ACKR2: variants seen among roughly 807,000 people sequenced by gnomAD.
ACKR2 encodes C-C chemokine receptor D6.
For missense variants in ACKR2, 457 were observed against 477.3 expected, an observed-to-expected ratio of 0.96 and a Z score of 0.40; for synonymous variants, 207 against 192.2, an observed-to-expected ratio of 1.08 and a Z score of -0.64.
intron 1 of ACKR2, among the ~76,000 whole-genome samples, chr3:42,818,476 C>G (rs1324018888): frequency 2.0e-5 from 3 of 152,150 alleles, no homozygotes; most frequent in Non-Finnish European, 2.9e-5. Context: ...AGCAAACTGG[C>G]CCAGAATTGG....
chr3:42,843,327 C>T (rs1701060204), intron 2 of ACKR2, among the ~76,000 whole-genome samples: 1 of 152,120 alleles, frequency 6.6e-6, no homozygotes, highest in South Asian at 2.1e-4. Context: ...CCCCCAGCCT[C>T]CCAAAGTGCT....
chr3:42,835,271 C>T (rs1700976417), intron 2 of ACKR2: 1 of 151,756 alleles, frequency 6.6e-6, no homozygotes, highest in African/African-American at 2.4e-5. Flanking sequence ...TCTCCCATAG[C>T]ATCTTCTAGG....
At chr3:42,843,789 C>T (rs1701064729) in intron 2 of ACKR2, 1 of 152,246 alleles carries the variant, frequency 6.6e-6, no homozygotes, top group Non-Finnish European at 1.5e-5. Flanking sequence ...GGGATCAGGC[C>T]AAACAGGCCA....
chr3:42,828,074 T>TTTTATATATATA (rs548232060), intron 2 of ACKR2, among the ~76,000 whole-genome samples: 1 of 122,518 alleles, frequency 8.2e-6, no homozygotes, highest in African/African-American at 3.0e-5. Flanking sequence ...GATGCTTGCA[T>TTTTATATATATA]TATATATATA....
At chr3:42,819,476 T>C (rs1450512366) in intron 1 of ACKR2, among the ~76,000 whole-genome samples, 155 bp from the exon 2 acceptor site, 3 of 146,584 alleles carry the variant, frequency 2.0e-5, no homozygotes, top group Non-Finnish European at 4.4e-5. Flanking sequence ...GCTCCCTCAC[T>C]GTTTCCTGGC....
chr3:42,820,336 A>T (rs2125603966), intron 2 of ACKR2, among the ~76,000 whole-genome samples: 2 of 152,240 alleles, frequency 1.3e-5, no homozygotes, highest in South Asian at 4.1e-4. Context: ...ACCAGAAAAG[A>T]AATATAATCT....
chr3:42,825,594 T>C (rs1404775747), intron 2 of ACKR2, among the ~76,000 whole-genome samples: 1 of 151,438 alleles, frequency 6.6e-6, no homozygotes. Context: ...TGTGTGTGTG[T>C]GTGTGTGCGT....
chr3:42,855,163 CA>C (rs1264224034), intron 2 of ACKR2, among the ~76,000 whole-genome samples: 2 of 152,134 alleles, frequency 1.3e-5, no homozygotes, highest in Non-Finnish European at 2.9e-5. Flanking sequence ...AGCCTTCAAT[CA>C]CACCTTTCTC....
chr3:42,822,625 G>A (rs1186783804), intron 2 of ACKR2, among the ~76,000 whole-genome samples: 1 of 152,072 alleles, frequency 6.6e-6, no homozygotes, highest in Non-Finnish European at 1.5e-5. Flanking sequence ...GGCCAAGGCA[G>A]GTGGACTACT....
intron 1 of ACKR2, among the ~76,000 whole-genome samples, chr3:42,818,163 G>C (rs1700772712): frequency 6.6e-6 from 1 of 152,114 alleles, no homozygotes; most frequent in African/African-American, 2.4e-5. Context: ...GACTCCATGT[G>C]TCCATAAATG....
intron 2 of ACKR2, among the ~76,000 whole-genome samples, chr3:42,837,275 G>A (rs1271069207): frequency 2.0e-5 from 3 of 151,916 alleles, no homozygotes; most frequent in Non-Finnish European, 4.4e-5. Flanking sequence ...GGAGTGTAGT[G>A]GTGCAATCTC....
At position 42,812,680 on chromosome 3, in the gene ACKR2, C is replaced by CTTTTTTTTT; in HGVS notation, c.-119+3164_-119+3172dup. Among the ~76,000 whole-genome samples, 181 of 72,748 alleles carry CTTTTTTTTT rather than the reference C, an allele frequency of 2.5e-3. 13 individuals are homozygous for CTTTTTTTTT. Among genetic ancestry groups the CTTTTTTTTT allele is most frequent in the Non-Finnish European group, 2.5e-3 (105 of 42,524 alleles). 47.7% of individuals were successfully genotyped at this position (72,748 alleles called of 152,430 possible). ...TAAAAGTGGTTGGGCAATTTTCAGC[C>CTTTTTTTTT]TTTTTTTTTTTTTTTTTTTTTTTTG... On this transcript the variant is annotated intron_variant, in intron 1 of 2. Coordinates refer to ENST00000422265, the MANE Select transcript of ACKR2 (RefSeq NM_001296.5).
At chr3:42,854,401 C>G (rs1332922287) in intron 2 of ACKR2, among the ~76,000 whole-genome samples, 1 of 152,180 alleles carries the variant, frequency 6.6e-6, no homozygotes, top group Non-Finnish European at 1.5e-5. Flanking sequence ...GGCTTTGAAC[C>G]TTCCTGCCAC....
chr3:42,834,926 C>T (rs561791183), intron 2 of ACKR2, among the ~76,000 whole-genome samples: 13 of 151,152 alleles, frequency 8.6e-5, no homozygotes, highest in Non-Finnish European at 1.8e-4. Context: ...ACTCTGCTAC[C>T]CAGGCTGGAG....
At chr3:42,851,315 A>C in intron 2 of ACKR2, 9 of 971,886 alleles carry the variant, frequency 9.3e-6, no homozygotes, top group Non-Finnish European at 1.1e-5. Context: ...GGATATACAT[A>C]GGCTGCTGTC....
chr3:42,833,278 GTATT>G (rs1183056845), intron 2 of ACKR2, among the ~76,000 whole-genome samples: 18 of 152,158 alleles, frequency 1.2e-4, no homozygotes, highest in Non-Finnish European at 7.4e-5. Context: ...TTTGAATGAT[GTATT>G]TATTTAACCC....
Position 42,864,761 on chromosome 3 carries a change from A to C in ACKR2, c.259A>C (p.Asn87His). Residue 87 changes from asparagine to histidine, a missense_variant, in exon 3 of 3, where the codon AAT becomes CAT. Asn to His is a moderately conservative substitution (Grantham distance 68). Coordinates refer to ENST00000422265, the MANE Select transcript of ACKR2 (RefSeq NM_001296.5). ...RRRMVEIYLL[N>H]LAISNLLFLV... ...GCGGATGGTTGAGATCTATCTGCTG[A>C]ATCTGGCCATCTCCAACCTTCTGTT... The C allele has an allele frequency of 1.9e-6, 3 of 1,614,152 alleles. No individual in the cohort carries two copies. The highest frequency in any genetic ancestry group is 2.5e-6 in the Non-Finnish European group (3 of 1,180,026).
At chr3:42,810,872 C>A (rs144801931) in intron 1 of ACKR2, among the ~76,000 whole-genome samples, 6 of 152,234 alleles carry the variant, frequency 3.9e-5, no homozygotes, top group African/African-American at 1.4e-4. Context: ...TTCCTCATTC[C>A]TTTTTTGAGA....
chr3:42,864,760 G>C lies in ACKR2; in HGVS notation c.258G>C (p.Leu86=), dbSNP rs1471068314. The C allele has an allele frequency of 2.4e-5, 39 of 1,614,104 alleles. No homozygotes were observed. Among genetic ancestry groups the C allele is most frequent in the Non-Finnish European group, 3.1e-5 (37 of 1,180,054 alleles). The change falls in exon 3 of 3, where the codon CTG becomes CTC. Residue 86 remains leucine (L), a synonymous_variant. Transcript: ENST00000422265. ...GGCGGATGGTTGAGATCTATCTGCT[G>C]AATCTGGCCATCTCCAACCTTCTGT... The part of the protein sequence containing the change: ...PRRRMVEIYL[L]NLAISNLLFL...
Sources: gnomAD v4.1 joint callset for allele counts (sites outside exome capture counted in the v4.1 genomes callset) on GRCh38, gnomAD v4.1.1 for gene constraint, MANE v1.5 for transcripts, NCBI Gene and HGNC (gene_info 2026-07-23, HGNC 2026-07-21) for gene names.